The following RBM12B variants were observed in gnomAD, a reference collection of about 807,000 sequenced individuals.
RBM12B encodes the protein RNA-binding protein 12B.
In RBM12B, 10 loss-of-function variants were observed where a neutral mutation model predicts 34.3. The ratio of observed to expected loss-of-function variants is 0.29; its 90% CI spans 0.18 to 0.49. The LOEUF (loss-of-function observed/expected upper bound fraction) is 0.49. Among genes scored for constraint, RBM12B ranks in the 20% least tolerant of loss-of-function variants. The pLI is 0.99. For missense variants in RBM12B, 1,139 were observed against 1,262.7 expected (o/e 0.90, Z 1.48); for synonymous variants, 477 against 437.1 (o/e 1.09, Z -1.14).
chr8:93,735,380 T>C lies in RBM12B; in HGVS notation c.1031A>G (p.His344Arg), dbSNP rs1811983423. The C allele has an allele frequency of 6.2e-7, 1 of 1,613,802 alleles. No individual in the cohort carries two copies. Reference protein sequence around the residue: ...LKDYNTALSLHKTVLQYRPVH... With the variant: ...LKDYNTALSLRKTVLQYRPVH... Reference sequence around the variant, plus strand: ...TGGACGATATTGTAAAACAGTCTTATGTAAACTCAGAGCGGTATTATAGTC... The same window carrying C: ...TGGACGATATTGTAAAACAGTCTTACGTAAACTCAGAGCGGTATTATAGTC... Residue 344 changes from histidine (H) to arginine (R), a missense_variant, in exon 4 of 4, where the codon CAT (histidine) becomes CGT (arginine). Physicochemically the swap from His to Arg is conservative, Grantham distance 29. Coordinates refer to ENST00000520560, the MANE Select transcript of RBM12B (RefSeq NM_001377960.1).
Position 93,740,707 on chromosome 8 carries a change from AG to A in RBM12B, c.-145-12del. The stretch of plus-strand genomic sequence containing the variant: ...ACCACCACATGGAAGCTGACGGGAA[AG>A]GAAGAGTCGGTGTTTTAGCAAGAAA... On this transcript the variant is annotated splice_polypyrimidine_tract_variant and intron_variant, in intron 1 of 3. Coordinates refer to ENST00000520560, the MANE Select transcript of RBM12B (RefSeq NM_001377960.1). The A allele has an allele frequency of 5.6e-6, 2 of 359,262 alleles. No homozygotes were observed. Among genetic ancestry groups the A allele is most frequent in the Non-Finnish European group, 1.1e-5 (2 of 183,452 alleles). The allele number at this position is 359,262 out of a possible 1,614,324, so 22.3% of individuals were successfully genotyped here.
chr8:93,732,439 A>T lies in RBM12B; in HGVS notation c.*966T>A, dbSNP rs771217577. 5 of 152,240 alleles carry T rather than the reference A, an allele frequency of 3.3e-5. No individual in the cohort carries two copies. Among genetic ancestry groups the T allele is most frequent in the Admixed American group, 6.5e-5 (1 of 15,286 alleles). The allele number at this position is 152,240 out of a possible 1,614,324, so 9.4% of individuals were successfully genotyped here. On this transcript the variant is annotated 3_prime_UTR_variant, in exon 4 of 4. Transcript: ENST00000520560. ...CATGGACACAGTTTCGAAGCTAAAA[A>T]ATGAGAACCTAATATTACATGCAAG...
rs1812016191 is a variant in RBM12B, at chr8:93,736,198, GA to G, written c.212del (p.Leu71ProfsTer13). On this transcript the variant is annotated frameshift_variant, in exon 4 of 4. Coordinates refer to ENST00000520560, the MANE Select transcript of RBM12B (RefSeq NM_001377960.1). LOFTEE classifies it high-confidence loss of function. ...GGFIKDSSVE[L>X]FLSSKAEMQK... The stretch of plus-strand genomic sequence containing the variant: ...GCATTTCTGCCTTGCTACTAAGAAA[GA>G]GCTCTACAGATGAATCCTTGATAAA... 1 of 1,614,016 alleles carries G rather than the reference GA, an allele frequency of 6.2e-7. No homozygotes were observed. Among genetic ancestry groups the G allele is most frequent in the Non-Finnish European group, 8.5e-7 (1 of 1,180,042 alleles).
At position 93,730,524 on chromosome 8, in the gene RBM12B, G is replaced by A. The variant is rs547935862; in HGVS notation, c.*2881C>T. On this transcript the variant is annotated 3_prime_UTR_variant, in exon 4 of 4. Transcript: ENST00000520560. ...GGAGAGGAAAAACTGGCTATGAGAC[G>A]ACAATTACTGAAGCTGAGTGATGTG... 39 of 152,242 alleles carry A rather than the reference G, an allele frequency of 2.6e-4. No individual in the cohort carries two copies. The highest frequency in any genetic ancestry group is 3.8e-4 in the Non-Finnish European group (26 of 68,020). 9.4% of individuals were successfully genotyped at this position (152,242 alleles called of 1,614,324 possible).
chr8:93,733,643 C>T lies in RBM12B; in HGVS notation c.2768G>A (p.Arg923Lys). ...ATTCATTATCTTAATAGGAGTTACTCTACCTGAACCACAATTTATTTTTGG... is the reference window on the plus strand; with the variant it reads ...ATTCATTATCTTAATAGGAGTTACTTTACCTGAACCACAATTTATTTTTGG... Reference protein sequence around the residue: ...PDPKINCGSGRVTPIKIMNLP... With the variant: ...PDPKINCGSGKVTPIKIMNLP... The change falls in exon 4 of 4, where the codon AGA (arginine) becomes AAA (lysine). Residue 923 changes from arginine to lysine, a missense_variant. Physicochemically the swap from Arg to Lys is conservative, Grantham distance 26. Coordinates refer to ENST00000520560, the MANE Select transcript of RBM12B (RefSeq NM_001377960.1). 1.2e-6 allele frequency: 2 copies of T among 1,614,066 alleles called. No homozygotes were observed. Among genetic ancestry groups the T allele is most frequent in the South Asian group, 2.2e-5 (2 of 91,080 alleles).
In RBM12B at chr8:93,735,693, C is replaced by T; in HGVS notation, c.718G>A (p.Ala240Thr). Residue 240 changes from alanine to threonine, a missense_variant, in exon 4 of 4, where the codon GCA becomes ACA. By Grantham distance (58) the Ala-to-Thr change is moderately conservative (BLOSUM62 0). Around this residue, in one of 3 missense-constraint regions of RBM12B, gnomAD observed 863 missense variants for 869.5 expected, o/e 0.99. Coordinates refer to ENST00000520560, the MANE Select transcript of RBM12B (RefSeq NM_001377960.1). ...EQQWIEFGGN[A>T]VKEGDVLRRS... ...CTAAGAACGTCACCCTCCTTAACTG[C>T]ATTACCACCAAACTCAATCCACTGT... The T allele has an allele frequency of 1.2e-6, 2 of 1,614,156 alleles. No individual in the cohort carries two copies. The highest frequency in any genetic ancestry group is 2.2e-5 in the South Asian group (2 of 91,080).
In RBM12B at chr8:93,732,690, T is replaced by A. The variant is rs1811835406; in HGVS notation, c.*715A>T. 6.6e-6 allele frequency: 1 copy of A among 152,230 alleles called. No homozygotes were observed. Among genetic ancestry groups the A allele is most frequent in the Non-Finnish European group, 1.5e-5 (1 of 68,026 alleles). 9.4% of individuals were successfully genotyped at this position (152,230 alleles called of 1,614,324 possible). ...ATAGAATGTCTGGTCCCTCCCATCA[T>A]AAATATGGTTTAATGAAGTTATTGA... On this transcript the variant is annotated 3_prime_UTR_variant, in exon 4 of 4. Transcript: ENST00000520560.
At position 93,740,897 on chromosome 8, in the gene RBM12B, G is replaced by T; in HGVS notation, c.-162C>A. ...AACACACACCACTGCTGCCGAGTCG[G>T]ACACACAAGGCCGGAGGCTGAGGGA... On this transcript the variant is annotated 5_prime_UTR_variant, in exon 1 of 4. Coordinates refer to ENST00000520560, the MANE Select transcript of RBM12B (RefSeq NM_001377960.1). The T allele has an allele frequency of 3.8e-6, 1 of 261,704 alleles. No individual in the cohort carries two copies. The highest frequency in any genetic ancestry group is 7.6e-6 in the Non-Finnish European group (1 of 131,270). 16.2% of individuals were successfully genotyped at this position (261,704 alleles called of 1,614,324 possible).
At chr8:93,736,596 G>A (rs1473354364) in intron 3 of RBM12B, among the ~76,000 whole-genome samples, 158 bp from the exon 4 acceptor site, 2 of 152,142 alleles carry the variant, frequency 1.3e-5, no homozygotes, top group Non-Finnish European at 2.9e-5. Flanking sequence ...AATTATTAAA[G>A]AAAACAAGGG....
Position 93,734,224 on chromosome 8 carries a change from C to T in RBM12B, c.2187G>A (p.Glu729=), listed in dbSNP as rs776330752. 2.5e-6 allele frequency: 4 copies of T among 1,602,964 alleles called. No individual in the cohort carries two copies. Among genetic ancestry groups the T allele is most frequent in the Non-Finnish European group, 3.4e-6 (4 of 1,173,798 alleles). The change falls in exon 4 of 4, where the codon GAG becomes GAA. Residue 729 remains glutamate, a synonymous_variant. Coordinates refer to ENST00000520560, the MANE Select transcript of RBM12B (RefSeq NM_001377960.1). ...GCTCTGGGGGTGGCCGACGGAAATG[C>T]TCCTGAGGTGGCCTCCGGAAATGCT... is the stretch of plus-strand genomic sequence containing the variant. The part of the protein sequence containing the change: ...PQEHFRRPPQ[E]HFRRPPPEHF...
intron 2 of RBM12B, among the ~76,000 whole-genome samples, chr8:93,739,936 G>A (rs1340677631): frequency 6.6e-6 from 1 of 152,112 alleles, no homozygotes; most frequent in African/African-American, 2.4e-5. Flanking sequence ...GAAACGGGAG[G>A]GAGACAGAAT....
chr8:93,735,628 A>G lies in RBM12B; in HGVS notation c.783T>C (p.Asp261=). Residue 261 remains aspartate (D), a synonymous_variant, in exon 4 of 4, where the codon GAT becomes GAC. Transcript: ENST00000520560. ...AATGAGACCGTTTTCGAAAATGTCT[A>G]TCATTAATTCCTCTTGGTGGAGAAT... ...EEHSPPRGIN[D]RHFRKRSHSK... 6.2e-7 allele frequency: 1 copy of G among 1,614,142 alleles called. No individual in the cohort carries two copies. Among genetic ancestry groups the G allele is most frequent in the Non-Finnish European group, 8.5e-7 (1 of 1,179,994 alleles).
At chr8:93,740,717 G>T in intron 1 of RBM12B, 21 bp from the exon 2 acceptor site, 2 of 357,546 alleles carry the variant, frequency 5.6e-6, no homozygotes, top group Admixed American at 7.5e-5. Context: ...AGGAAGAGTC[G>T]GTGTTTTAGC....
At chr8:93,736,558 C>A (rs1043499508) in intron 3 of RBM12B, 120 bp from the exon 4 acceptor site, 2 of 734,862 alleles carry the variant, frequency 2.7e-6, no homozygotes, top group East Asian at 2.9e-5. Flanking sequence ...AAACAAGATA[C>A]AAGTTCACAA....
chr8:93,732,190 T>C lies in RBM12B; in HGVS notation c.*1215A>G, dbSNP rs867414368. On this transcript the variant is annotated 3_prime_UTR_variant, in exon 4 of 4. Coordinates refer to ENST00000520560, the MANE Select transcript of RBM12B (RefSeq NM_001377960.1). ...CCACTTCATTATCTCATTTGTGAAATAGAGGTAAATAATTAACCCTGTACT... is the reference window on the plus strand; with the variant it reads ...CCACTTCATTATCTCATTTGTGAAACAGAGGTAAATAATTAACCCTGTACT... 6.6e-6 allele frequency: 1 copy of C among 152,204 alleles called. No homozygotes were observed. Among genetic ancestry groups the C allele is most frequent in the African/African-American group, 2.4e-5 (1 of 41,454 alleles). The allele number at this position is 152,204 out of a possible 1,614,324, so 9.4% of individuals were successfully genotyped here.
At chr8:93,739,881 C>T (rs543652270) in intron 2 of RBM12B, among the ~76,000 whole-genome samples, 1 of 152,296 alleles carries the variant, frequency 6.6e-6, no homozygotes, top group African/African-American at 2.4e-5. Flanking sequence ...CTAAACAATA[C>T]GTAACGTGCC....
rs1190337624 is a variant in RBM12B at position 93,732,260 on chromosome 8, T to C, written c.*1145A>G. ...ATGCATGTAAAGTGCTTACAGTGCC[T>C]AGCACATAGTAAGTGCCTAATAAAT... On this transcript the variant is annotated 3_prime_UTR_variant, in exon 4 of 4. Transcript: ENST00000520560. The C allele has an allele frequency of 6.6e-6, 1 of 152,242 alleles. No individual in the cohort carries two copies. Among genetic ancestry groups the C allele is most frequent in the Non-Finnish European group, 1.5e-5 (1 of 68,042 alleles). 9.4% of individuals were successfully genotyped at this position (152,242 alleles called of 1,614,324 possible). A position where few individuals can be genotyped will look rare whatever the true frequency, so the allele number is the denominator to read the frequency against.
Position 93,734,651 on chromosome 8 carries a change from A to C in RBM12B, c.1760T>G (p.Phe587Cys). The part of the protein sequence containing the change: ...EDFRRPREED[F>C]RRPSEEDFRR... ...GAAGTCCTCCTCAGAAGGCCGCCTG[A>C]AGTCTTCCTCCCTAGGTCGCCTGAA... is the stretch of plus-strand genomic sequence containing the variant. Residue 587 changes from phenylalanine to cysteine, a missense_variant, in exon 4 of 4, where the codon TTC becomes TGC. Phe to Cys is a radical substitution (Grantham distance 205). Coordinates refer to ENST00000520560, the MANE Select transcript of RBM12B (RefSeq NM_001377960.1). 13 of 1,613,018 alleles carry C rather than the reference A, an allele frequency of 8.1e-6. No homozygotes were observed. The highest frequency in any genetic ancestry group is 1.1e-5 in the Non-Finnish European group (13 of 1,179,570).
chr8:93,734,782 G>A lies in RBM12B; in HGVS notation c.1629C>T (p.Pro543=). ...TGTCAGGCTGCCGGAAATCCCTCTG[G>A]GGATGCTTGAAGTTATCCAGTTGCC... is the stretch of plus-strand genomic sequence containing the variant. ...DLRQLDNFKH[P]QRDFRQPDRH... The change falls in exon 4 of 4, where the codon CCC becomes CCT. Residue 543 remains proline (P), a synonymous_variant. Coordinates refer to ENST00000520560, the MANE Select transcript of RBM12B (RefSeq NM_001377960.1). 1 of 1,614,108 alleles carries A rather than the reference G, an allele frequency of 6.2e-7. No homozygotes were observed. Among genetic ancestry groups the A allele is most frequent in the Non-Finnish European group, 8.5e-7 (1 of 1,180,012 alleles).
Sources: allele counts gnomAD v4.1 joint callset (sites outside exome capture counted in the v4.1 genomes callset), GRCh38; gene constraint gnomAD v4.1.1; regional missense constraint gnomAD v4.1.1; transcripts MANE v1.5; gene names NCBI Gene and HGNC (gene_info 2026-07-23, HGNC 2026-07-21).